Variants in RBFOX3 observed in about 807,000 individuals in gnomAD.
The protein encoded by RBFOX3 is RNA binding fox-1 homolog 3.
In RBFOX3, 17 loss-of-function variants were observed where a neutral mutation model predicts 48.7. The observed-to-expected ratio is 0.35, with a 90% CI of 0.24 to 0.52. RBFOX3 has a LOEUF of 0.52. Ranked by LOEUF, RBFOX3 falls within the 20% of genes least tolerant of loss-of-function variation. The pLI, the probability that RBFOX3 is intolerant of heterozygous loss-of-function variation, is 0.94. For missense variants in RBFOX3, 382 were observed against 497.5 expected, an observed-to-expected ratio of 0.77 and a Z score of 2.21; for synonymous variants, 212 against 209.5, an observed-to-expected ratio of 1.01 and a Z score of -0.10.
intron 2 of RBFOX3, among the ~76,000 whole-genome samples, chr17:79,388,552 T>C (rs772583501): frequency 2.6e-5 from 4 of 152,230 alleles, no homozygotes; most frequent in Non-Finnish European, 4.4e-5. Flanking sequence ...AATAAATCTC[T>C]AATCTCTTTT....
At chr17:79,628,287 C>T in the RBFOX3 span, among the ~76,000 whole-genome samples, 3 of 152,138 alleles carry the variant, frequency 2.0e-5, no homozygotes, top group Non-Finnish European at 2.9e-5. Flanking sequence ...TGACCAACCC[C>T]GGCCTGGCCC....
At chr17:79,194,119 T>C (rs1362080158) in intron 4 of RBFOX3, among the ~76,000 whole-genome samples, 1 of 152,236 alleles carries the variant, frequency 6.6e-6, no homozygotes, top group Non-Finnish European at 1.5e-5. Context: ...GATTTTATCA[T>C]GAAGACACCA....
intron 2 of RBFOX3, among the ~76,000 whole-genome samples, chr17:79,459,679 G>A (rs2075112338): frequency 6.6e-6 from 1 of 152,116 alleles, no homozygotes; most frequent in South Asian, 2.1e-4. Flanking sequence ...CTAAGAATAA[G>A]GTCCCTTGAC....
Position 79,096,574 on chromosome 17 carries a change from G to A in RBFOX3, c.936+79C>T, listed in dbSNP as rs917120358. 14 of 1,278,754 alleles carry A rather than the reference G, an allele frequency of 1.1e-5. No individual in the cohort carries two copies. The South Asian group carries it at 1.4e-4, about 12-fold the overall frequency. The allele number at this position is 1,278,754 out of a possible 1,614,324, so 79.2% of individuals were successfully genotyped here. A position where few individuals can be genotyped will look rare whatever the true frequency, so the allele number is the denominator to read the frequency against. On this transcript the variant is annotated intron_variant, in intron 12 of 14. Transcript: ENST00000693108. ...GGATGGGATGGGAGGAGCGGGCAGT[G>A]AGAGAGGAGACGCCGACTTCTCATT...
rs893555183 is a variant in RBFOX3, at chr17:79,598,682, G to T, written c.-320+12144C>A. On this transcript the variant is annotated intron_variant, in intron 1 of 14. Coordinates refer to ENST00000693108, the MANE Select transcript of RBFOX3 (RefSeq NM_001350451.2). The stretch of plus-strand genomic sequence containing the variant: ...CAGCTCCACGTAGAGCAACAGAGAC[G>T]CAGGGACCGTGCAAGTAACCATGGC... 77 of 152,226 alleles carry T rather than the reference G, an allele frequency of 5.1e-4. 1 individual carries two copies. The highest frequency in any genetic ancestry group is 1.8e-3 in the African/African-American group (75 of 41,538). 9.4% of individuals were successfully genotyped at this position (152,226 alleles called of 1,614,324 possible).
At chr17:79,129,478 C>T (rs1445176626) in intron 4 of RBFOX3, among the ~76,000 whole-genome samples, 1 of 103,758 alleles carries the variant, frequency 9.6e-6, no homozygotes, top group African/African-American at 3.2e-5. Context: ...CTCTCTCCTT[C>T]CCCCAAGCCC....
chr17:79,346,987 A>T (rs945458005), intron 2 of RBFOX3, among the ~76,000 whole-genome samples: 5 of 152,214 alleles, frequency 3.3e-5, no homozygotes, highest in Non-Finnish European at 7.3e-5. Flanking sequence ...AAATGATCAT[A>T]TCATCTGAAA....
chr17:79,445,395 G>A (rs910422304), intron 2 of RBFOX3, among the ~76,000 whole-genome samples: 11 of 152,150 alleles, frequency 7.2e-5, no homozygotes, highest in Admixed American at 2.6e-4. Context: ...TCCACGTGCG[G>A]GAGGCACTGC....
At chr17:79,654,592 C>G in the RBFOX3 span, among the ~76,000 whole-genome samples, 1 of 152,168 alleles carries the variant, frequency 6.6e-6, no homozygotes, top group African/African-American at 2.4e-5. Context: ...ACAAGCCCCT[C>G]GGTGTAAGGG....
At chr17:79,519,329 A>G (rs2085721703) in intron 1 of RBFOX3, among the ~76,000 whole-genome samples, 2 of 152,366 alleles carry the variant, frequency 1.3e-5, no homozygotes, top group East Asian at 3.9e-4. Context: ...GAGACCTGCC[A>G]GTGACGGCAA....
rs1018386587 is a variant in RBFOX3, at chr17:79,117,956, T to G, written c.-33-2208A>C. On this transcript the variant is annotated intron_variant, in intron 4 of 14. Transcript: ENST00000693108. ...CCCCAAGGGACGGTCCAAGGCTGGG[T>G]GTTCTGCTTCAGACCCGGCCACCCC... 1.2e-4 allele frequency among the ~76,000 whole-genome samples: 18 copies of G among 152,142 alleles called. 1 individual carries two copies. The highest frequency in any genetic ancestry group is 4.1e-4 in the African/African-American group (17 of 41,426).
At chr17:79,332,717 C>CACACACAGAG (rs2080547832) in intron 2 of RBFOX3, among the ~76,000 whole-genome samples, 1 of 117,904 alleles carries the variant, frequency 8.5e-6, no homozygotes, top group Admixed American at 8.8e-5. Flanking sequence ...GACAGAAAGA[C>CACACACAGAG]AGAGCCTGAG....
chr17:79,451,735 G>A lies in RBFOX3; in HGVS notation c.-175+30719C>T, dbSNP rs77724836. Among the ~76,000 whole-genome samples the A allele has an allele frequency of 5.5e-3, 845 of 152,322 alleles. 15 individuals carry two copies. Among genetic ancestry groups the A allele is most frequent in the African/African-American group, 0.019 (810 of 41,574 alleles). ...CCCTGGGCAAACCACTGGGTCCCCC[G>A]CAACCTTCCATTTCATCCTCTGAAA... On this transcript the variant is annotated intron_variant, in intron 2 of 14. Transcript: ENST00000693108.
intron 4 of RBFOX3, among the ~76,000 whole-genome samples, chr17:79,217,249 A>G (rs2606189): frequency 0.16 from 24,410 of 152,226 alleles, 2,113 homozygotes; most frequent in Middle Eastern, 0.24. Flanking sequence ...CAGCTTTAAA[A>G]TGGGAGCAAC....
chr17:79,537,286 A>G (rs1170437544), intron 1 of RBFOX3, among the ~76,000 whole-genome samples: 4 of 152,134 alleles, frequency 2.6e-5, no homozygotes, highest in African/African-American at 7.2e-5. Flanking sequence ...CTTGTTGCCA[A>G]CATCACTCCT....
In RBFOX3 at chr17:79,336,079, C is replaced by T. The variant is rs1484515007; in HGVS notation, c.-174-28255G>A. 2.0e-5 allele frequency among the ~76,000 whole-genome samples: 3 copies of T among 152,188 alleles called. No homozygotes were observed. In the East Asian group the frequency reaches 5.8e-4, roughly 29 times the overall value. ...CATTCCTTCATTTCACCCCATCACACCCGTTCTTTTAAATCCCACTGTTCT... is the reference window on the plus strand; with the variant it reads ...CATTCCTTCATTTCACCCCATCACATCCGTTCTTTTAAATCCCACTGTTCT... On this transcript the variant is annotated intron_variant, in intron 2 of 14. Transcript: ENST00000693108.
At chr17:79,097,230 C>T (rs560498948) in intron 11 of RBFOX3, 62 bp downstream of exon 11, 15 of 1,408,164 alleles carry the variant, frequency 1.1e-5, no homozygotes, top group Non-Finnish European at 1.4e-5. Context: ...AGGGCCTCCC[C>T]ATTTCCCTCC....
chr17:79,094,424 A>AGGGCTGGGCG, intron 14 of RBFOX3, 27 bp downstream of exon 14: 1 of 1,485,230 alleles, frequency 6.7e-7, no homozygotes, highest in Non-Finnish European at 9.0e-7. Context: ...ACTGGCACCC[A>AGGGCTGGGCG]GGGCTGGGCG....
the RBFOX3 span, among the ~76,000 whole-genome samples, chr17:79,654,757 G>C: frequency 6.6e-6 from 1 of 152,160 alleles, no homozygotes; most frequent in South Asian, 2.1e-4. Context: ...ATCTCATTTG[G>C]AACATCTGGG....
Sources: allele counts gnomAD v4.1 joint callset (sites outside exome capture counted in the v4.1 genomes callset), GRCh38; gene constraint gnomAD v4.1.1; transcripts MANE v1.5; gene names NCBI Gene and HGNC (gene_info 2026-07-23, HGNC 2026-07-21).